The following CADPS variants were observed in gnomAD, a reference collection of about 807,000 sequenced individuals.
CADPS encodes calcium-dependent secretion activator 1.
CADPS carries 57 observed loss-of-function variants against 167.3 expected under a neutral mutation model. The ratio of observed to expected loss-of-function variants is 0.34; its 90% confidence interval spans 0.28 to 0.42. The LOEUF (loss-of-function observed/expected upper bound fraction) is 0.42, where lower values mean the gene tolerates loss of function less well. CADPS is among the 20% of genes least tolerant of loss of function. The probability of loss-of-function intolerance (pLI) is 1.00; values close to 1 mark genes in which losing one functional copy is unlikely to be tolerated. For synonymous variants in CADPS, 676 were observed against 635.3 expected, an observed-to-expected ratio of 1.06 and a Z score of -0.96; for missense variants, 1,414 against 1,738.1, an observed-to-expected ratio of 0.81 and a Z score of 3.32.
intron 26 of CADPS, among the ~76,000 whole-genome samples, chr3:62,456,392 T>A (rs2058681202): frequency 6.6e-6 from 1 of 152,078 alleles, no homozygotes. Context: ...ATAAATACAA[T>A]ATAACTAAAA....
In CADPS at chr3:62,438,190, C is replaced by T. The variant is rs779293832; in HGVS notation, c.3691G>A (p.Asp1231Asn). 8 of 1,613,304 alleles carry T rather than the reference C, an allele frequency of 5.0e-6. 1 individual carries two copies. In the South Asian group the frequency reaches 5.5e-5, roughly 11 times the overall value. ...TGGCGGACGAAAGTCACGTAGGCGT[C>T]GGCCACGTCCATCCCGGGTTTCTGT... Reference protein sequence around the residue: ...DVPKPGMDVADAYVTFVRHSQ... With the variant: ...DVPKPGMDVANAYVTFVRHSQ... The change falls in exon 28 of 30, where the codon GAC becomes AAC. Residue 1231 changes from aspartate to asparagine, a missense_variant. Physicochemically the swap from Asp to Asn is conservative, Grantham distance 23 (BLOSUM62 1). This residue lies in a region of CADPS where 185 missense variants were observed against 251.5 expected (regional missense o/e 0.74). Transcript: ENST00000383710. This position sits in a 1 kb window ranked among gnomAD's most constrained non-coding sequence, Gnocchi z 4.7.
intron 13 of CADPS, among the ~76,000 whole-genome samples, chr3:62,523,235 C>A (rs914602484): frequency 1.3e-5 from 2 of 152,180 alleles, no homozygotes; most frequent in African/African-American, 2.4e-5. Context: ...GCTGCCCAAC[C>A]TTTGAGTGAC....
At chr3:62,462,507 G>A (rs889796285) in intron 26 of CADPS, among the ~76,000 whole-genome samples, 3 of 152,262 alleles carry the variant, frequency 2.0e-5, no homozygotes, top group African/African-American at 7.2e-5. Flanking sequence ...GAGGGGGAAA[G>A]GGTGGCATAT....
intron 1 of CADPS, among the ~76,000 whole-genome samples, chr3:62,781,599 A>G (rs534644750): frequency 6.6e-6 from 1 of 152,290 alleles, no homozygotes; most frequent in Non-Finnish European, 1.5e-5. Context: ...TTCTGAAAAG[A>G]GCAAGTTACG....
rs965560919 is a variant in CADPS at position 62,454,658 on chromosome 3, G to T, written c.3637-8861C>A. ...CAAATAAGACCTCATATATAAAACT[G>T]TAACCATCAAGGATAATATTCTGAA... On this transcript the variant is annotated intron_variant, in intron 26 of 29. Transcript: ENST00000383710. Among the ~76,000 whole-genome samples the T allele has an allele frequency of 2.6e-5, 4 of 152,086 alleles. No homozygotes were observed. In the South Asian group the frequency reaches 8.3e-4, roughly 32 times the overall value.
chr3:62,501,196 G>A (rs2065714795), intron 17 of CADPS, among the ~76,000 whole-genome samples: 1 of 152,198 alleles, frequency 6.6e-6, no homozygotes, highest in Admixed American at 6.5e-5. Flanking sequence ...GGGAGCTTAG[G>A]TGCTGAGAGC....
At chr3:62,485,207 C>T (rs1026064661) in intron 21 of CADPS, among the ~76,000 whole-genome samples, 2 of 151,976 alleles carry the variant, frequency 1.3e-5, no homozygotes, top group African/African-American at 4.8e-5. Flanking sequence ...CTGTAAAGCC[C>T]CCATTGAGAA....
intron 1 of CADPS, among the ~76,000 whole-genome samples, chr3:62,789,266 A>G (rs2092729286): frequency 1.3e-5 from 2 of 152,172 alleles, no homozygotes; most frequent in East Asian, 1.9e-4. Flanking sequence ...AAGCACTGCT[A>G]TTACAAGTGA....
Position 62,550,030 on chromosome 3 carries a change from G to A in CADPS, c.1839C>T (p.Ile613=). 6.2e-7 allele frequency: 1 copy of A among 1,614,112 alleles called. No individual in the cohort carries two copies. Among genetic ancestry groups the A allele is most frequent in the Non-Finnish European group, 8.5e-7 (1 of 1,179,980 alleles). ...IFASDDEQDR[I]LWVQAMYRAT... ...CCCGATACATGGCCTGGACCCACAG[G>A]ATGCGGTCTTGTTCATCGTCACTGG... The change falls in exon 11 of 30, where the codon ATC becomes ATT. Residue 613 remains isoleucine, a synonymous_variant. Coordinates refer to ENST00000383710, the MANE Select transcript of CADPS (RefSeq NM_003716.4).
At chr3:62,531,831 C>T (rs1185241825) in intron 13 of CADPS, among the ~76,000 whole-genome samples, 1 of 152,170 alleles carries the variant, frequency 6.6e-6, no homozygotes, top group African/African-American at 2.4e-5. Context: ...TCCATGTCTC[C>T]AGAGCCAAAT....
At chr3:62,655,686 G>T (rs1210043339) in intron 4 of CADPS, among the ~76,000 whole-genome samples, 1 of 152,124 alleles carries the variant, frequency 6.6e-6, no homozygotes, top group African/African-American at 2.4e-5. Context: ...AGGTTCCCTA[G>T]ACCCCAAAGA....
chr3:62,717,913 C>G (rs986789452), intron 3 of CADPS, among the ~76,000 whole-genome samples: 3 of 152,176 alleles, frequency 2.0e-5, no homozygotes, highest in African/African-American at 7.2e-5. Context: ...GTTCCCACAA[C>G]ACATCACACT....
At chr3:62,473,233 G>T (rs192788895) in intron 24 of CADPS, among the ~76,000 whole-genome samples, 1 of 151,304 alleles carries the variant, frequency 6.6e-6, no homozygotes, top group South Asian at 2.1e-4. Flanking sequence ...CAGGGTGGGG[G>T]TGGGGGCTGA....
intron 3 of CADPS, among the ~76,000 whole-genome samples, chr3:62,684,988 G>A (rs1291858097): frequency 2.6e-5 from 4 of 151,718 alleles, no homozygotes; most frequent in Non-Finnish European, 5.9e-5. Flanking sequence ...CTCATTTTGA[G>A]GGAAACTCTG....
intron 6 of CADPS, among the ~76,000 whole-genome samples, chr3:62,608,853 A>C (rs895528167): frequency 6.6e-6 from 1 of 152,202 alleles, no homozygotes; most frequent in African/African-American, 2.4e-5. Context: ...GGCCAGAATT[A>C]ACTTTAATTT....
intron 3 of CADPS, among the ~76,000 whole-genome samples, chr3:62,700,617 AC>A (rs1308179098): frequency 6.6e-6 from 1 of 152,092 alleles, no homozygotes; most frequent in Non-Finnish European, 1.5e-5. Context: ...TAGAGCTGAC[AC>A]CCTAACCTCT....
intron 6 of CADPS, among the ~76,000 whole-genome samples, chr3:62,599,601 AT>A (rs1281582980): frequency 1.2e-5 from 1 of 84,234 alleles, no homozygotes; most frequent in African/African-American, 4.7e-5. Context: ...TATATTATAT[AT>A]TTATTATATT....
intron 28 of CADPS, among the ~76,000 whole-genome samples, chr3:62,405,952 G>T (rs921659333): frequency 1.3e-5 from 2 of 152,184 alleles, no homozygotes; most frequent in East Asian, 3.8e-4. Context: ...AGGTACAGGG[G>T]ATCTTCCACG....
At chr3:62,847,496 T>TC (rs2077713800) in intron 1 of CADPS, among the ~76,000 whole-genome samples, 1 of 95,248 alleles carries the variant, frequency 1.0e-5, no homozygotes, top group African/African-American at 4.2e-5. Context: ...ATCTCATTGT[T>TC]CAATTCCCAC....
Sources: allele counts gnomAD v4.1 joint callset (sites outside exome capture counted in the v4.1 genomes callset), GRCh38; gene constraint gnomAD v4.1.1; regional missense constraint gnomAD v4.1.1; non-coding constraint Gnocchi (gnomAD v3.1); transcripts MANE v1.5; gene names NCBI Gene and HGNC (gene_info 2026-07-23, HGNC 2026-07-21).